The following DAB1 variants were observed in gnomAD, a reference collection of about 807,000 sequenced individuals.
DAB1 encodes DAB adaptor protein 1.
DAB1 carries 15 observed loss-of-function variants against 64.6 expected under a neutral mutation model. The observed-to-expected ratio is 0.23, with a 90% CI of 0.16 to 0.36. The LOEUF (loss-of-function observed/expected upper bound fraction) is 0.36, where lower values mean the gene tolerates loss of function less well. Among genes scored for constraint, DAB1 ranks in the 10% least tolerant of loss-of-function variants. The pLI, the probability that DAB1 is intolerant of heterozygous loss-of-function variation, is 1.00. For synonymous variants in DAB1, 235 were observed against 251.9 expected (o/e 0.93, Z 0.64); for missense variants, 596 against 706.7 (o/e 0.84, Z 1.78).
At chr1:58,075,953 A>G (rs910544831) in intron 5 of DAB1, among the ~76,000 whole-genome samples, 57 of 134,768 alleles carry the variant, frequency 4.2e-4, no homozygotes, top group African/African-American at 1.6e-3. Flanking sequence ...TCACAGGCAC[A>G]CACACACACA....
At chr1:58,160,382 T>C (rs1031029092) in intron 4 of DAB1, among the ~76,000 whole-genome samples, 4 of 152,150 alleles carry the variant, frequency 2.6e-5, no homozygotes, top group Non-Finnish European at 5.9e-5. Flanking sequence ...CCTCCTATCA[T>C]GTACCTGGCA....
intron 5 of DAB1, among the ~76,000 whole-genome samples, chr1:58,127,576 G>A (rs1240314040): frequency 6.6e-6 from 1 of 152,018 alleles, no homozygotes; most frequent in Non-Finnish European, 1.5e-5. Flanking sequence ...TTTCTTCTAG[G>A]GTTTTTATGG....
rs144838434 is a variant in DAB1 at position 58,022,116 on chromosome 1, C to A, written n.387+128395G>T. ...CCTTAATAAAACCCTTCCTCAGAAG[C>A]CAAGTCTCTAACCTCAAAGCACCAG... On this transcript the variant is annotated intron_variant and non_coding_transcript_variant, in intron 5 of 20. Transcript: ENST00000485760. Among the ~76,000 whole-genome samples the A allele has an allele frequency of 7.3e-3, 1,105 of 152,238 alleles. 20 individuals carry two copies. Among genetic ancestry groups the A allele is most frequent in the African/African-American group, 0.025 (1,050 of 41,536 alleles).
At chr1:57,250,894 A>C (rs1446145716) in intron 2 of DAB1, among the ~76,000 whole-genome samples, 1 of 152,194 alleles carries the variant, frequency 6.6e-6, no homozygotes, top group Non-Finnish European at 1.5e-5. Flanking sequence ...CGTCATCCAG[A>C]TGGCATTTTT....
intron 5 of DAB1, among the ~76,000 whole-genome samples, chr1:58,102,480 G>A (rs1333820638): frequency 1.3e-5 from 2 of 152,304 alleles, no homozygotes; most frequent in East Asian, 3.9e-4. Flanking sequence ...CAACTCTGAT[G>A]AGGTGGTTTC....
chr1:58,110,805 T>G (rs115322747), intron 5 of DAB1, among the ~76,000 whole-genome samples: 13 of 152,358 alleles, frequency 8.5e-5, no homozygotes, highest in African/African-American at 3.1e-4. Flanking sequence ...CTAGACTTCA[T>G]GTTAGTTATC....
intron 5 of DAB1, among the ~76,000 whole-genome samples, chr1:58,147,478 C>T (rs1255589682): frequency 6.6e-6 from 1 of 150,628 alleles, no homozygotes; most frequent in East Asian, 2.0e-4. Context: ...ATTAGCCAGG[C>T]GTGGTGGCAG....
chr1:57,772,611 T>C (rs1649612880), intron 6 of DAB1, among the ~76,000 whole-genome samples: 1 of 152,136 alleles, frequency 6.6e-6, no homozygotes, highest in Admixed American at 6.6e-5. Flanking sequence ...ATATCCAAAG[T>C]GGCTGTAACC....
chr1:57,282,726 C>T (rs1187022674), intron 2 of DAB1, among the ~76,000 whole-genome samples: 1 of 152,136 alleles, frequency 6.6e-6, no homozygotes, highest in East Asian at 1.9e-4. Context: ...TCTCTGCCTC[C>T]AAACCCTTTG....
intron 1 of DAB1, among the ~76,000 whole-genome samples, chr1:57,293,772 T>TC (rs1672972257): frequency 6.6e-6 from 1 of 152,078 alleles, no homozygotes; most frequent in Admixed American, 6.6e-5. Flanking sequence ...AAGAATTTTT[T>TC]AAAATCAATT....
intron 4 of DAB1, among the ~76,000 whole-genome samples, chr1:58,246,391 G>T (rs980154896): frequency 6.6e-6 from 1 of 152,174 alleles, no homozygotes; most frequent in Non-Finnish European, 1.5e-5. Context: ...GAGGGAACAC[G>T]AGCTTCCTGA....
At chr1:57,849,476 T>G (rs112237827) in intron 1 of DAB1, among the ~76,000 whole-genome samples, 18 of 152,290 alleles carry the variant, frequency 1.2e-4, no homozygotes, top group African/African-American at 4.1e-4. Context: ...CTCCAGTCCT[T>G]GAGAATTTCA....
intron 2 of DAB1, among the ~76,000 whole-genome samples, chr1:57,206,875 T>G (rs1005111197): frequency 6.6e-6 from 1 of 152,118 alleles, no homozygotes; most frequent in East Asian, 1.9e-4. Flanking sequence ...TGTTATGCCA[T>G]GTATATGATA....
chr1:57,508,306 A>G (rs1394839988), intron 7 of DAB1, among the ~76,000 whole-genome samples: 1 of 152,196 alleles, frequency 6.6e-6, no homozygotes, highest in African/African-American at 2.4e-5. Flanking sequence ...GCTTCTATCT[A>G]TGTTGTTAAC....
At chr1:57,829,723 G>A (rs780365866) in intron 1 of DAB1, among the ~76,000 whole-genome samples, 22 of 152,044 alleles carry the variant, frequency 1.4e-4, no homozygotes, top group Non-Finnish European at 2.6e-4. Flanking sequence ...TGCTCAGCCC[G>A]CCCCCTTCCA....
At chr1:58,269,425 T>C (rs1310477995) in intron 4 of DAB1, among the ~76,000 whole-genome samples, 1 of 150,216 alleles carries the variant, frequency 6.7e-6, no homozygotes, top group African/African-American at 2.4e-5. Flanking sequence ...TGTTGGACAT[T>C]TGGGTTGGTT....
At chr1:57,368,201 T>C (rs758248613) in intron 1 of DAB1, among the ~76,000 whole-genome samples, 1 of 152,250 alleles carries the variant, frequency 6.6e-6, no homozygotes, top group East Asian at 1.9e-4. Flanking sequence ...GAAGCCGAAA[T>C]GGGGCTGAGA....
intron 1 of DAB1, among the ~76,000 whole-genome samples, chr1:57,415,869 T>C (rs1415371476): frequency 1.3e-5 from 2 of 152,222 alleles, no homozygotes; most frequent in African/African-American, 4.8e-5. Context: ...TCTATGTTTA[T>C]GATCATTCAC....
chr1:58,109,182 AAG>A (rs1410542656), intron 5 of DAB1, among the ~76,000 whole-genome samples: 1 of 152,238 alleles, frequency 6.6e-6, no homozygotes, highest in Admixed American at 6.5e-5. Flanking sequence ...TCTTTGAAGA[AAG>A]GGGACAGGAG....
Sources: allele counts gnomAD v4.1 joint callset (sites outside exome capture counted in the v4.1 genomes callset), GRCh38; gene constraint gnomAD v4.1.1; transcripts MANE v1.5; gene names NCBI Gene and HGNC (gene_info 2026-07-23, HGNC 2026-07-21).